The following GPM6B variants were observed in gnomAD, a reference collection of about 807,000 sequenced individuals.
GPM6B encodes neuronal membrane glycoprotein M6-b.
In GPM6B, 4 loss-of-function variants were observed where a neutral mutation model predicts 27.2. That is an observed-to-expected ratio of 0.15 (90% CI 0.07 to 0.34). GPM6B has a LOEUF of 0.34. GPM6B is among the 10% of genes least tolerant of loss of function. The pLI is 1.00. For synonymous variants in GPM6B, 124 were observed against 103.1 expected (o/e 1.20, Z -1.23); for missense variants, 183 against 261.9 (o/e 0.70, Z 2.08).
intron 1 of GPM6B, among the ~76,000 whole-genome samples, chrX:13,919,620 T>C (rs1266852508): frequency 8.9e-6 from 1 of 112,235 alleles, no homozygotes; most frequent in Non-Finnish European, 1.9e-5. Context: ...GGGTGAAAAC[T>C]TTCCTGCAAA....
intron 1 of GPM6B, among the ~76,000 whole-genome samples, chrX:13,878,310 T>C (rs2147009943): frequency 9.1e-6 from 1 of 109,448 alleles, no homozygotes; most frequent in African/African-American, 3.3e-5. Context: ...GCTCTAATTA[T>C]TCCTATCAGC....
intron 1 of GPM6B, among the ~76,000 whole-genome samples, chrX:13,884,523 T>C (rs2050115410): frequency 8.9e-6 from 1 of 112,230 alleles, no homozygotes; most frequent in Non-Finnish European, 1.9e-5. Flanking sequence ...GTGAATGGGG[T>C]TGTCATAAAC....
chrX:13,778,760 T>C (rs182850001), intron 5 of GPM6B, among the ~76,000 whole-genome samples: 5 of 111,782 alleles, frequency 4.5e-5, no homozygotes, highest in East Asian at 5.6e-4. Context: ...GAGAATGATA[T>C]ACATTTAGAT....
intron 1 of GPM6B, among the ~76,000 whole-genome samples, chrX:13,823,513 G>A (rs1240687380): frequency 4.3e-5 from 4 of 93,167 alleles, no homozygotes; most frequent in Non-Finnish European, 8.7e-5. Context: ...ACATTCCACT[G>A]AACCTGGTTT....
chrX:13,824,571 G>A, intron 1 of GPM6B, among the ~76,000 whole-genome samples: 1 of 111,917 alleles, frequency 8.9e-6, no homozygotes, highest in Non-Finnish European at 1.9e-5. Context: ...TGTCCAGAGG[G>A]CAGCTGGATG....
chrX:13,773,053 A>C, intron 7 of GPM6B, 23 bp from the exon 8 acceptor site: 3 of 1,196,631 alleles, frequency 2.5e-6, no homozygotes, highest in Non-Finnish European at 3.4e-6. Flanking sequence ...GGTGAGCATG[A>C]TGGCTAGTGA....
chrX:13,775,619 C>T (rs997967445), intron 7 of GPM6B, among the ~76,000 whole-genome samples: 2 of 111,715 alleles, frequency 1.8e-5, no homozygotes, highest in African/African-American at 6.5e-5. Context: ...AGCTATTGGC[C>T]ATGAATTCAA....
chrX:13,918,147 C>T (rs1023828541), intron 1 of GPM6B, among the ~76,000 whole-genome samples: 4 of 112,771 alleles, frequency 3.5e-5, no homozygotes, highest in African/African-American at 1.3e-4. Flanking sequence ...GCTTATAACC[C>T]TTATAATTTT....
At chrX:13,812,048 C>CTTTT (rs1187553585) in intron 1 of GPM6B, among the ~76,000 whole-genome samples, 20 of 88,911 alleles carry the variant, frequency 2.2e-4, no homozygotes, top group African/African-American at 7.3e-4. Context: ...TCTTTTCTTT[C>CTTTT]TTTTTTTTTT....
intron 1 of GPM6B, among the ~76,000 whole-genome samples, chrX:13,928,454 T>C (rs773871695): frequency 1.1e-3 from 122 of 112,654 alleles, no homozygotes; most frequent in Non-Finnish European, 1.9e-3. Context: ...ACAGTGGCTT[T>C]GCAAAATGGT....
intron 1 of GPM6B, among the ~76,000 whole-genome samples, chrX:13,903,150 A>G (rs1259135306): frequency 8.9e-6 from 1 of 112,030 alleles, no homozygotes; most frequent in Non-Finnish European, 1.9e-5. Flanking sequence ...GCCCACTGTG[A>G]TTCTGCAAGG....
chrX:13,837,477 C>T (rs1023013807), intron 1 of GPM6B, among the ~76,000 whole-genome samples: 5 of 110,926 alleles, frequency 4.5e-5, no homozygotes, highest in African/African-American at 6.6e-5. Flanking sequence ...CCCGCAGACC[C>T]AGGGGGGCTT....
intron 3 of GPM6B, among the ~76,000 whole-genome samples, chrX:13,785,064 C>CGTA: frequency 9.0e-6 from 1 of 111,216 alleles, no homozygotes; most frequent in African/African-American, 3.3e-5. Context: ...CCACAGCTAC[C>CGTA]ATGTGTGGAG....
At chrX:13,813,804 G>GTGAAT (rs2049183808) in intron 1 of GPM6B, among the ~76,000 whole-genome samples, 1 of 111,875 alleles carries the variant, frequency 8.9e-6, no homozygotes, top group Non-Finnish European at 1.9e-5. Context: ...TTCCATGTCA[G>GTGAAT]TGAATCTGCT....
intron 1 of GPM6B, among the ~76,000 whole-genome samples, chrX:13,913,075 G>A (rs1190170470): frequency 9.0e-6 from 1 of 111,579 alleles, no homozygotes; most frequent in East Asian, 2.8e-4. Context: ...TAGAACATAG[G>A]AAGATATTAG....
chrX:13,785,457 T>C (rs1310593974), intron 3 of GPM6B, among the ~76,000 whole-genome samples, 165 bp downstream of exon 3: 1 of 110,938 alleles, frequency 9.0e-6, no homozygotes, highest in East Asian at 2.8e-4. Flanking sequence ...TAAATTTTTT[T>C]TTGTATTTTT....
In GPM6B at chrX:13,902,514, CAG is replaced by C. The variant is rs1044055106; in HGVS notation, c.-198+35811_-198+35812del. ...TTGCCAACGAAGTCACTTAAGCACACAGAGTTTAAGTGGTTTGATCTCATGAT... is the reference window on the plus strand; with the variant it reads ...TTGCCAACGAAGTCACTTAAGCACACAGTTTAAGTGGTTTGATCTCATGAT... On this transcript the variant is annotated intron_variant, in intron 1 of 6. Coordinates refer to the GPM6B transcript ENST00000398361. Among the ~76,000 whole-genome samples, 44 of 110,942 alleles carry C rather than the reference CAG, an allele frequency of 4.0e-4. 1 individual carries two copies. The highest frequency in any genetic ancestry group is 4.9e-4 in the Non-Finnish European group (26 of 52,966).
intron 1 of GPM6B, among the ~76,000 whole-genome samples, chrX:13,896,756 C>A (rs1012355796): frequency 9.1e-6 from 1 of 110,488 alleles, no homozygotes; most frequent in Admixed American, 9.6e-5. Flanking sequence ...TTAGTAGAGA[C>A]GGGGTTTCAC....
At chrX:13,866,647 A>T (rs992534231) in intron 1 of GPM6B, among the ~76,000 whole-genome samples, 11 of 111,530 alleles carry the variant, frequency 9.9e-5, no homozygotes, top group Non-Finnish European at 9.4e-5. Flanking sequence ...TTAAATATTT[A>T]AAAATTTAAA....
Sources: allele counts gnomAD v4.1 joint callset (sites outside exome capture counted in the v4.1 genomes callset), GRCh38; gene constraint gnomAD v4.1.1; transcripts MANE v1.5; gene names NCBI Gene and HGNC (gene_info 2026-07-23, HGNC 2026-07-21).